The following CORO2B variants were observed in gnomAD, a reference collection of about 807,000 sequenced individuals.
CORO2B encodes the protein coronin 2B.
A neutral mutation model predicts 58.8 loss-of-function variants in CORO2B; 26 were observed. That is an observed-to-expected ratio of 0.44 (90% CI 0.32 to 0.61). The LOEUF is 0.61. CORO2B is among the 20% of genes least tolerant of loss of function. The pLI, the probability that CORO2B is intolerant of heterozygous loss-of-function variation, is 0.04. For synonymous variants in CORO2B, 242 were observed against 253.8 expected, an observed-to-expected ratio of 0.95 and a Z score of 0.44; for missense variants, 460 against 645.1, an observed-to-expected ratio of 0.71 and a Z score of 3.11.
intron 2 of CORO2B, among the ~76,000 whole-genome samples, chr15:68,674,873 C>T (rs1051230479): frequency 7.9e-5 from 12 of 152,162 alleles, no homozygotes; most frequent in African/African-American, 2.9e-4. Context: ...TCCACAGTGA[C>T]CAATATTATC....
intron 2 of CORO2B, among the ~76,000 whole-genome samples, chr15:68,681,884 C>G (rs1406541887): frequency 4.6e-5 from 7 of 152,114 alleles, no homozygotes; most frequent in Admixed American, 4.6e-4. Context: ...ACCCCCAACC[C>G]CAGTCCTCTT....
chr15:68,599,923 C>T (rs867410851), intron 1 of CORO2B, among the ~76,000 whole-genome samples: 5 of 152,216 alleles, frequency 3.3e-5, no homozygotes, highest in South Asian at 2.1e-4. Context: ...TAATGAACTG[C>T]GTCCTTGGAG....
At chr15:68,533,144 C>T in the CORO2B span, among the ~76,000 whole-genome samples, 2 of 152,192 alleles carry the variant, frequency 1.3e-5, no homozygotes, top group Admixed American at 1.3e-4. Context: ...CAGAATGTGC[C>T]TCTAGACACA....
At chr15:68,656,184 G>T (rs1456493231) in intron 2 of CORO2B, among the ~76,000 whole-genome samples, 1 of 13,790 alleles carries the variant, frequency 7.3e-5, no homozygotes, top group Admixed American at 5.6e-4. Context: ...CCCGCCCCCC[G>T]ACCCAACCAA....
At chr15:68,671,394 C>T (rs776884650) in intron 2 of CORO2B, among the ~76,000 whole-genome samples, 5 of 152,164 alleles carry the variant, frequency 3.3e-5, no homozygotes, top group African/African-American at 9.7e-5. Context: ...GAGCCAAAGC[C>T]TCACCCACAT....
chr15:68,544,902 GAGT>G, the CORO2B span, among the ~76,000 whole-genome samples: 60 of 151,660 alleles, frequency 4.0e-4, 1 homozygote, highest in Non-Finnish European at 1.2e-4. Context: ...TCAGCCTCCC[GAGT>G]AGCTGGGACT....
chr15:68,686,929 A>C (rs928398030), intron 2 of CORO2B, among the ~76,000 whole-genome samples: 1 of 152,134 alleles, frequency 6.6e-6, no homozygotes, highest in Non-Finnish European at 1.5e-5. Flanking sequence ...AAAAAAATGA[A>C]AAAATTGCTT....
At chr15:68,570,267 C>T in the CORO2B span, among the ~76,000 whole-genome samples, 2 of 152,148 alleles carry the variant, frequency 1.3e-5, no homozygotes, top group Non-Finnish European at 2.9e-5. Context: ...ATGGGATCCT[C>T]GGAAGGAGCA....
chr15:68,548,437 A>G, the CORO2B span, among the ~76,000 whole-genome samples: 1 of 152,140 alleles, frequency 6.6e-6, no homozygotes, highest in Non-Finnish European at 1.5e-5. Flanking sequence ...CACTCCCGCC[A>G]TGACTGATTT....
At chr15:68,548,569 T>C in the CORO2B span, among the ~76,000 whole-genome samples, 1 of 152,228 alleles carries the variant, frequency 6.6e-6, no homozygotes, top group African/African-American at 2.4e-5. Flanking sequence ...TGCGTACATA[T>C]GAAAGTTTCT....
At chr15:68,625,727 C>G (rs1028486470) in intron 1 of CORO2B, among the ~76,000 whole-genome samples, 3 of 152,122 alleles carry the variant, frequency 2.0e-5, no homozygotes, top group African/African-American at 7.2e-5. Flanking sequence ...ACCTCAGCAC[C>G]CCAAGTAGCT....
chr15:68,569,641 C>T, the CORO2B span, among the ~76,000 whole-genome samples: 3 of 152,194 alleles, frequency 2.0e-5, no homozygotes, highest in South Asian at 4.1e-4. Context: ...TTCAACTCCT[C>T]TGGGTAAACT....
intron 2 of CORO2B, among the ~76,000 whole-genome samples, chr15:68,658,244 C>G (rs534984761): frequency 1.3e-5 from 2 of 152,352 alleles, no homozygotes; most frequent in East Asian, 3.9e-4. Flanking sequence ...GGTAGGAGCC[C>G]TGGACCAGGG....
chr15:68,707,539 G>A (rs1021315658), intron 3 of CORO2B, among the ~76,000 whole-genome samples: 8 of 152,196 alleles, frequency 5.3e-5, no homozygotes, highest in African/African-American at 1.9e-4. Context: ...TACAACAGAT[G>A]CCTCTCTGGC....
intron 2 of CORO2B, among the ~76,000 whole-genome samples, chr15:68,686,712 G>A (rs1272434236): frequency 6.6e-6 from 1 of 151,756 alleles, no homozygotes; most frequent in Admixed American, 6.6e-5. Context: ...CAGCCTGATC[G>A]ACATGGTGAA....
Position 68,727,507 on chromosome 15 carries a change from A to G in CORO2B, c.*1533A>G, listed in dbSNP as rs1263020561. ...AGCTAGGATCTACTAGATGCATTAT[A>G]CTCCATACCTGCTTTTCCCATGGCC... is the stretch of plus-strand genomic sequence containing the variant. On this transcript the variant is annotated 3_prime_UTR_variant, in exon 12 of 12. Transcript: ENST00000261861. 6.6e-6 allele frequency: 1 copy of G among 151,970 alleles called. No individual in the cohort carries two copies. Among genetic ancestry groups the G allele is most frequent in the African/African-American group, 2.4e-5 (1 of 41,304 alleles). 9.4% of individuals were successfully genotyped at this position (151,970 alleles called of 1,614,324 possible).
intron 1 of CORO2B, among the ~76,000 whole-genome samples, chr15:68,626,441 TCCTGTCTCACGA>T (rs1445682074): frequency 2.0e-5 from 3 of 152,040 alleles, no homozygotes; most frequent in Non-Finnish European, 4.4e-5. Flanking sequence ...CTAGATTGAG[TCCTGTCTCACGA>T]CCTGTGGCTT....
At position 68,623,822 on chromosome 15, in the gene CORO2B, T is replaced by C. The variant is rs572226251; in HGVS notation, c.16-21338T>C. On this transcript the variant is annotated intron_variant, in intron 1 of 11. Transcript: ENST00000261861. The stretch of plus-strand genomic sequence containing the variant: ...AGCATGAGGTTGGAGGCGGGTGTGT[T>C]TGAGCAGCCCCAGCCCCTCCATTGT... 4.6e-5 allele frequency among the ~76,000 whole-genome samples: 7 copies of C among 152,244 alleles called. No homozygotes were observed. The East Asian group carries it at 1.2e-3, about 25-fold the overall frequency.
rs1036695628 is a variant in CORO2B, at chr15:68,713,982, C to T, written c.706C>T (p.Arg236Trp). ...GGTGGTGTTCCTGGGGAACATGAAGCGGCTCCTCACGACAGGGGTCTCCAG... is the reference window on the plus strand; with the variant it reads ...GGTGGTGTTCCTGGGGAACATGAAGTGGCTCCTCACGACAGGGGTCTCCAG... ...NRVVFLGNMK[R>W]LLTTGVSRWN... Residue 236 changes from arginine to tryptophan, a missense_variant, in exon 6 of 12, where the codon CGG (arginine) becomes TGG (tryptophan). This residue lies in a region of CORO2B where 352 missense variants were observed against 543.0 expected (regional missense o/e 0.65). Transcript: ENST00000261861. The T allele has an allele frequency of 1.3e-5, 21 of 1,613,928 alleles. No homozygotes were observed. Among genetic ancestry groups the T allele is most frequent in the South Asian group, 1.1e-4 (10 of 91,070 alleles).
Sources: allele counts gnomAD v4.1 joint callset (sites outside exome capture counted in the v4.1 genomes callset), GRCh38; gene constraint gnomAD v4.1.1; regional missense constraint gnomAD v4.1.1; transcripts MANE v1.5; gene names NCBI Gene and HGNC (gene_info 2026-07-23, HGNC 2026-07-21).